The following SNTB2 variants were observed in gnomAD, a reference collection of about 807,000 sequenced individuals.
The protein encoded by SNTB2 is syntrophin beta 2.
SNTB2 carries 34 observed loss-of-function variants against 46.2 expected under a neutral mutation model. The observed-to-expected ratio is 0.74, with a 90% CI of 0.56 to 0.98. The LOEUF (loss-of-function observed/expected upper bound fraction) is 0.98. Ranked by LOEUF, SNTB2 falls within the 50% of genes least tolerant of loss-of-function variation. The pLI is 0.00. For missense variants in SNTB2, 603 were observed against 731.4 expected, an observed-to-expected ratio of 0.82 and a Z score of 2.02; for synonymous variants, 290 against 312.6, an observed-to-expected ratio of 0.93 and a Z score of 0.76.
chr16:69,195,443 AT>A (rs71383971), intron 1 of SNTB2, among the ~76,000 whole-genome samples: 876 of 138,816 alleles, frequency 6.3e-3, no homozygotes, highest in African/African-American at 0.011. Flanking sequence ...CCTGGTTTGC[AT>A]TTTTTTTTTT....
Position 69,187,325 on chromosome 16 carries a change from C to A in SNTB2, c.159C>A (p.Asp53Glu). The change falls in exon 1 of 7, where the codon GAC becomes GAA. Residue 53 changes from aspartate to glutamate, a missense_variant. Physicochemically the swap from Asp to Glu is conservative, Grantham distance 45. This residue lies in a region of SNTB2 where 537 missense variants were observed against 692.4 expected (regional missense o/e 0.78). Transcript: ENST00000336278. ...GGGAGAGCCTGAGCCTGACGGGCGACGCCGCCGCGGCCGAGCTGGAGCCCG... is the reference window on the plus strand; with the variant it reads ...GGGAGAGCCTGAGCCTGACGGGCGAAGCCGCCGCGGCCGAGCTGGAGCCCG... Reference protein sequence around the residue: ...LSGESLSLTGDAAAAELEPAL... With the variant: ...LSGESLSLTGEAAAAELEPAL... 1 of 1,451,398 alleles carries A rather than the reference C, an allele frequency of 6.9e-7. No individual in the cohort carries two copies. The highest frequency in any genetic ancestry group is 9.1e-7 in the Non-Finnish European group (1 of 1,104,514). The allele number at this position is 1,451,398 out of a possible 1,614,324, so 89.9% of individuals were successfully genotyped here.
chr16:69,219,870 C>A (rs1459473765), intron 1 of SNTB2, among the ~76,000 whole-genome samples: 2 of 151,920 alleles, frequency 1.3e-5, no homozygotes, highest in African/African-American at 2.4e-5. Context: ...CCTGCCTCAG[C>A]CTCTCGAGTA....
intron 1 of SNTB2, among the ~76,000 whole-genome samples, chr16:69,220,388 C>T (rs1234395905): frequency 6.6e-6 from 1 of 151,426 alleles, no homozygotes; most frequent in East Asian, 1.9e-4. Context: ...GTCTCGATCT[C>T]CTGACCTCTG....
intron 2 of SNTB2, among the ~76,000 whole-genome samples, chr16:69,251,692 C>T (rs1316005892): frequency 6.6e-6 from 1 of 151,924 alleles, no homozygotes; most frequent in Admixed American, 6.6e-5. Context: ...GGAGGAGAAT[C>T]GCATGAACTC....
intron 1 of SNTB2, chr16:69,240,747 G>A (rs1245610883): frequency 6.6e-6 from 1 of 152,222 alleles, no homozygotes; most frequent in Non-Finnish European, 1.5e-5. Flanking sequence ...AGAAGTTGAT[G>A]TTTATAAAAG....
intron 1 of SNTB2, among the ~76,000 whole-genome samples, chr16:69,212,942 T>G (rs1192350883): frequency 6.6e-6 from 1 of 152,242 alleles, no homozygotes; most frequent in Non-Finnish European, 1.5e-5. Flanking sequence ...CTATGTTATT[T>G]TTTTACTTTG....
intron 1 of SNTB2, among the ~76,000 whole-genome samples, chr16:69,226,196 C>T (rs375034768): frequency 6.6e-6 from 1 of 152,104 alleles, no homozygotes; most frequent in East Asian, 1.9e-4. Flanking sequence ...CTCAGCCTCC[C>T]AAGTAGCTGG....
intron 4 of SNTB2, among the ~76,000 whole-genome samples, chr16:69,279,797 G>C (rs1166767834): frequency 6.6e-6 from 1 of 150,808 alleles, no homozygotes; most frequent in Non-Finnish European, 1.5e-5. Context: ...CAAAGTGCTG[G>C]GATTACAGGT....
At chr16:69,260,298 C>T (rs776947292) in intron 3 of SNTB2, 38 bp downstream of exon 3, 11 of 1,576,662 alleles carry the variant, frequency 7.0e-6, no homozygotes, top group Non-Finnish European at 8.7e-6. Flanking sequence ...ACCTGGTTCC[C>T]ATTCAGTGCC....
rs1964671192 is a variant in SNTB2 at position 69,246,496 on chromosome 16, C to T, written c.794+681C>T. On this transcript the variant is annotated intron_variant, in intron 2 of 6. Transcript: ENST00000336278. ...TATTGAGGATTTTTGCATCAATGTT[C>T]ATCAAGGATATTGGTCTAAAATTCT... Among the ~76,000 whole-genome samples the T allele has an allele frequency of 5.4e-5, 8 of 148,114 alleles. No homozygotes were observed. In the South Asian group the frequency reaches 1.7e-3, roughly 32 times the overall value.
intron 4 of SNTB2, among the ~76,000 whole-genome samples, chr16:69,282,933 G>A (rs1456308574): frequency 6.6e-6 from 1 of 152,050 alleles, no homozygotes; most frequent in Non-Finnish European, 1.5e-5. Context: ...CTGCAACATT[G>A]CTATAATTGC....
At chr16:69,247,722 T>A (rs941705886) in intron 2 of SNTB2, among the ~76,000 whole-genome samples, 74 of 152,156 alleles carry the variant, frequency 4.9e-4, no homozygotes, top group Admixed American at 4.8e-3. Flanking sequence ...AAAAAAGGGA[T>A]AATGGTACTT....
intron 1 of SNTB2, among the ~76,000 whole-genome samples, chr16:69,237,299 G>A (rs1964567975): frequency 6.6e-6 from 1 of 152,102 alleles, no homozygotes; most frequent in Admixed American, 6.6e-5. Flanking sequence ...CAAAACAGCT[G>A]GTAGAGTGCA....
chr16:69,233,301 C>T (rs1330115113), intron 1 of SNTB2, among the ~76,000 whole-genome samples: 16 of 152,164 alleles, frequency 1.1e-4, no homozygotes, highest in South Asian at 2.1e-4. Flanking sequence ...TGGTGACTGT[C>T]CTGTGACTCT....
At chr16:69,289,002 G>A (rs900805620) in intron 5 of SNTB2, among the ~76,000 whole-genome samples, 1 of 152,224 alleles carries the variant, frequency 6.6e-6, no homozygotes, top group South Asian at 2.1e-4. Context: ...AGGCGTGGTG[G>A]CTCACACCTA....
chr16:69,246,503 G>A (rs2143044649), intron 2 of SNTB2, among the ~76,000 whole-genome samples: 1 of 147,628 alleles, frequency 6.8e-6, no homozygotes, highest in East Asian at 1.9e-4. Flanking sequence ...GTTCATCAAG[G>A]ATATTGGTCT....
At chr16:69,217,445 C>T (rs1196035176) in intron 1 of SNTB2, among the ~76,000 whole-genome samples, 1 of 151,972 alleles carries the variant, frequency 6.6e-6, no homozygotes, top group Non-Finnish European at 1.5e-5. Context: ...TGCACTCCAG[C>T]CTGGATAATA....
At chr16:69,285,815 T>C (rs546446760) in intron 5 of SNTB2, among the ~76,000 whole-genome samples, 11 of 143,914 alleles carry the variant, frequency 7.6e-5, no homozygotes, top group Non-Finnish European at 1.5e-4. Flanking sequence ...TTTTTTGACA[T>C]GGAGTCTCAC....
intron 4 of SNTB2, among the ~76,000 whole-genome samples, chr16:69,275,280 G>A (rs1160321715): frequency 6.6e-6 from 1 of 151,878 alleles, no homozygotes; most frequent in African/African-American, 2.4e-5. Context: ...GCCCAGTCTG[G>A]TCTCAAACTC....
Sources: gnomAD v4.1 joint callset for allele counts (sites outside exome capture counted in the v4.1 genomes callset) on GRCh38, gnomAD v4.1.1 for gene constraint, gnomAD v4.1.1 regional missense constraint, MANE v1.5 for transcripts, NCBI Gene and HGNC (gene_info 2026-07-23, HGNC 2026-07-21) for gene names.